The following FGF14 variants were observed in gnomAD, a reference collection of about 807,000 sequenced individuals.
The protein encoded by FGF14 is fibroblast growth factor homologous factor 4.
In FGF14, 5 loss-of-function variants were observed where a neutral mutation model predicts 25.5. The observed-to-expected ratio is 0.20, with a 90% CI of 0.10 to 0.41. The LOEUF (loss-of-function observed/expected upper bound fraction) is 0.41. FGF14 is among the 10% of genes least tolerant of loss of function. FGF14 has a pLI of 1.00. For missense variants in FGF14, 222 were observed against 320.1 expected, an observed-to-expected ratio of 0.69 and a Z score of 2.34; for synonymous variants, 138 against 118.3, an observed-to-expected ratio of 1.17 and a Z score of -1.08.
intron 3 of FGF14, among the ~76,000 whole-genome samples, chr13:101,859,096 T>C (rs2044275923): frequency 6.6e-6 from 1 of 152,134 alleles, no homozygotes; most frequent in Non-Finnish European, 1.5e-5. Flanking sequence ...ATATCTTCTT[T>C]GCTGACACTG....
At chr13:102,160,171 T>C (rs962326348) in intron 1 of FGF14, among the ~76,000 whole-genome samples, 2 of 152,176 alleles carry the variant, frequency 1.3e-5, no homozygotes, top group African/African-American at 2.4e-5. Context: ...TTCCTTGTTG[T>C]TCCTTGAAGG....
intron 1 of FGF14, among the ~76,000 whole-genome samples, chr13:102,269,604 G>A (rs1004028013): frequency 6.6e-6 from 1 of 151,868 alleles, no homozygotes; most frequent in African/African-American, 2.4e-5. Flanking sequence ...GCTCAAGCTT[G>A]CCTTGAACTC....
chr13:102,401,664 C>T (rs754353485), exon 1 of FGF14: 2 of 1,613,782 alleles, frequency 1.2e-6, no homozygotes, highest in Non-Finnish European at 1.7e-6. Context: ...TGAAGAGGGG[C>T]ACCGGTTTTA....
intron 1 of FGF14, among the ~76,000 whole-genome samples, chr13:102,326,693 GGGAAGGAA>G (rs372687332): frequency 0.039 from 1,144 of 29,154 alleles, 12 homozygotes; most frequent in East Asian, 0.067. Context: ...GGGAAGGGAA[GGGAAGGAA>G]GGAAGGAAGG....
chr13:101,920,063 A>C (rs1029034447), upstream of FGF14, among the ~76,000 whole-genome samples: 1 of 152,214 alleles, frequency 6.6e-6, no homozygotes, highest in Non-Finnish European at 1.5e-5. Flanking sequence ...TTACCTCCCC[A>C]AAACGCTGTT....
rs1286566068 is a variant in FGF14 at position 101,721,395 on chromosome 13, AAATGG to A, written c.*1431_*1435del. 1 of 151,906 alleles carries A rather than the reference AAATGG, an allele frequency of 6.6e-6. No individual in the cohort carries two copies. The highest frequency in any genetic ancestry group is 1.5e-5 in the Non-Finnish European group (1 of 67,978). The allele number at this position is 151,906 out of a possible 1,614,324, so 9.4% of individuals were successfully genotyped here. On this transcript the variant is annotated 3_prime_UTR_variant, in exon 5 of 5. Transcript: ENST00000376143. The stretch of plus-strand genomic sequence containing the variant: ...TTAAGAATGCAAAATAAAAGAAAAT[AAATGG>A]AATGGACCAAAATCCTCATGGATGA...
chr13:102,331,244 G>A (rs1035417634), intron 1 of FGF14, among the ~76,000 whole-genome samples: 5 of 152,166 alleles, frequency 3.3e-5, no homozygotes, highest in Non-Finnish European at 5.9e-5. Flanking sequence ...CCGTTTTAAT[G>A]ATTAAATTCT....
intron 1 of FGF14, among the ~76,000 whole-genome samples, chr13:102,338,189 C>A (rs545383059): frequency 6.2e-4 from 94 of 152,176 alleles, no homozygotes; most frequent in African/African-American, 2.3e-3. Flanking sequence ...ATCCCTACTT[C>A]CAACACAATC....
intron 1 of FGF14, among the ~76,000 whole-genome samples, chr13:101,902,188 A>G (rs1013720513): frequency 6.6e-6 from 1 of 152,194 alleles, no homozygotes; most frequent in Non-Finnish European, 1.5e-5. Context: ...TATATACAAG[A>G]GTAGGCAAGG....
At chr13:102,124,296 A>C (rs2045858705) in intron 1 of FGF14, among the ~76,000 whole-genome samples, 1 of 151,510 alleles carries the variant, frequency 6.6e-6, no homozygotes. Context: ...AAGGTAGTAT[A>C]GGAAAGCATA....
At chr13:101,805,965 G>C (rs114157831) in intron 3 of FGF14, among the ~76,000 whole-genome samples, 4,220 of 151,774 alleles carry the variant, frequency 0.028, 213 homozygotes, top group African/African-American at 0.095. Flanking sequence ...TAAATGTATA[G>C]ATATGTATAA....
chr13:101,940,615 C>T (rs2035387406), intron 1 of FGF14, among the ~76,000 whole-genome samples: 1 of 152,186 alleles, frequency 6.6e-6, no homozygotes, highest in Non-Finnish European at 1.5e-5. Flanking sequence ...CCCTACCCAT[C>T]CAATCTAAAG....
chr13:101,793,149 A>G (rs1202273154), intron 3 of FGF14, among the ~76,000 whole-genome samples: 1 of 152,138 alleles, frequency 6.6e-6, no homozygotes, highest in Non-Finnish European at 1.5e-5. Context: ...GAGGCTTTGT[A>G]TCCTTTGATT....
At chr13:102,142,935 C>T (rs936939983) in intron 1 of FGF14, among the ~76,000 whole-genome samples, 1 of 151,834 alleles carries the variant, frequency 6.6e-6, no homozygotes, top group Non-Finnish European at 1.5e-5. Flanking sequence ...TTAAAAAATG[C>T]TCTACTAAAA....
intron 1 of FGF14, among the ~76,000 whole-genome samples, chr13:102,044,449 A>G (rs1202844621): frequency 6.6e-6 from 1 of 152,140 alleles, no homozygotes; most frequent in East Asian, 1.9e-4. Flanking sequence ...CCTGTCCTTC[A>G]TGTTCAACCT....
chr13:101,850,485 T>G (rs1167754128), intron 3 of FGF14, among the ~76,000 whole-genome samples: 2 of 6,188 alleles, frequency 3.2e-4, no homozygotes, highest in Admixed American at 2.3e-3. Context: ...TATATATATA[T>G]ATATATATAT....
chr13:102,067,722 G>C (rs2042962749), intron 1 of FGF14, among the ~76,000 whole-genome samples: 1 of 150,120 alleles, frequency 6.7e-6, no homozygotes, highest in East Asian at 1.9e-4. Context: ...GAGAGAGAGA[G>C]ATTAGGGTGG....
chr13:102,322,993 C>T (rs1231165052), intron 1 of FGF14, among the ~76,000 whole-genome samples: 4 of 152,096 alleles, frequency 2.6e-5, no homozygotes, highest in Non-Finnish European at 4.4e-5. Flanking sequence ...TTGATCCTTA[C>T]GCTAGCATTT....
intron 3 of FGF14, among the ~76,000 whole-genome samples, chr13:101,860,853 T>C (rs908018215): frequency 3.3e-5 from 5 of 152,114 alleles, no homozygotes; most frequent in Admixed American, 6.6e-5. Flanking sequence ...ATAAGTCTTA[T>C]AAATATTGAT....
Sources: gnomAD v4.1 joint callset for allele counts (sites outside exome capture counted in the v4.1 genomes callset) on GRCh38, gnomAD v4.1.1 for gene constraint, MANE v1.5 for transcripts, NCBI Gene and HGNC (gene_info 2026-07-23, HGNC 2026-07-21) for gene names.